Variants in GALNT9 observed in about 807,000 individuals in gnomAD.
GALNT9 encodes polypeptide N-acetylgalactosaminyltransferase 9.
A neutral mutation model predicts 63.1 loss-of-function variants in GALNT9; 47 were observed. That is an observed-to-expected ratio of 0.75 (90% CI 0.59 to 0.95). The LOEUF (loss-of-function observed/expected upper bound fraction) is 0.95. Ranked by LOEUF, GALNT9 falls within the 40% of genes least tolerant of loss-of-function variation. The pLI, the probability that GALNT9 is intolerant of heterozygous loss-of-function variation, is 0.00. For missense variants in GALNT9, 829 were observed against 874.8 expected, an observed-to-expected ratio of 0.95 and a Z score of 0.66; for synonymous variants, 396 against 365.7, an observed-to-expected ratio of 1.08 and a Z score of -0.94.
intron 6 of GALNT9, among the ~76,000 whole-genome samples, chr12:132,215,468 A>G (rs1877146529): frequency 6.6e-6 from 1 of 152,236 alleles, no homozygotes; most frequent in South Asian, 2.1e-4. Context: ...GACGGAGAGC[A>G]CAAGCAGCTC....
At chr12:132,204,621 C>T (rs1210341851) in intron 6 of GALNT9, among the ~76,000 whole-genome samples, 2 of 152,172 alleles carry the variant, frequency 1.3e-5, no homozygotes, top group African/African-American at 2.4e-5. Flanking sequence ...CCCTCAGCCC[C>T]CGTAACCGGG....
chr12:132,216,468 C>T (rs1593068406), intron 6 of GALNT9, among the ~76,000 whole-genome samples: 2 of 152,226 alleles, frequency 1.3e-5, no homozygotes, highest in Non-Finnish European at 2.9e-5. Flanking sequence ...GCAGGCCCAG[C>T]GAGGAGCCAG....
chr12:132,221,389 G>A (rs558301265), intron 6 of GALNT9, among the ~76,000 whole-genome samples: 7 of 137,120 alleles, frequency 5.1e-5, no homozygotes, highest in Admixed American at 3.1e-4. Flanking sequence ...GGCTGGGTGC[G>A]ATGGCTCATG....
At chr12:132,260,167 A>T (rs1879322216) in intron 4 of GALNT9, among the ~76,000 whole-genome samples, 1 of 151,448 alleles carries the variant, frequency 6.6e-6, no homozygotes, top group South Asian at 2.1e-4. Context: ...TAAGGCAGGG[A>T]TGGAGAAACA....
At position 132,197,670 on chromosome 12, in the gene GALNT9, GACC is replaced by G. The variant is rs1225612315; in HGVS notation, c.1665+119_1665+121del. ...CAGCTGATCCAAGGCCCGGTCCCCT[GACC>G]ACCCCCTGCCGCACTCCAGCTCCCA... On this transcript the variant is annotated intron_variant, in intron 10 of 10. Coordinates refer to ENST00000328957, the MANE Select transcript of GALNT9 (RefSeq NM_001122636.2). 46 of 758,048 alleles carry G rather than the reference GACC, an allele frequency of 6.1e-5. No individual in the cohort carries two copies. The African/African-American group carries it at 7.3e-4, about 12-fold the overall frequency. The allele number at this position is 758,048 out of a possible 1,614,324, so 47.0% of individuals were successfully genotyped here. A position where few individuals can be genotyped will look rare whatever the true frequency, so the allele number is the denominator to read the frequency against.
chr12:132,317,738 C>A (rs1271376970), intron 1 of GALNT9, among the ~76,000 whole-genome samples: 1 of 152,198 alleles, frequency 6.6e-6, no homozygotes, highest in African/African-American at 2.4e-5. Flanking sequence ...CACCTTCGGG[C>A]CCCTCCAGCC....
At chr12:132,240,813 T>G (rs1393606405) in intron 6 of GALNT9, 1 of 429,876 alleles carries the variant, frequency 2.3e-6, no homozygotes, top group Admixed American at 2.4e-5. Context: ...CCACACACCC[T>G]TCCCAAGGCC....
At chr12:132,250,801 A>ACAG (rs1467157479) in intron 5 of GALNT9, among the ~76,000 whole-genome samples, 4 of 151,774 alleles carry the variant, frequency 2.6e-5, no homozygotes, top group African/African-American at 7.3e-5. Flanking sequence ...AACGACAACA[A>ACAG]CAACAAAGGC....
chr12:132,318,711 C>T (rs28584034), intron 1 of GALNT9, among the ~76,000 whole-genome samples: 22,209 of 152,252 alleles, frequency 0.15, 1,932 homozygotes, highest in South Asian at 0.24. Context: ...CAGTGCACGC[C>T]GTGGGCCGCC....
chr12:132,286,229 G>C lies in GALNT9; in HGVS notation c.419+21C>G, dbSNP rs782445557. 760 of 1,539,416 alleles carry C rather than the reference G, an allele frequency of 4.9e-4. 1 individual carries two copies. Among genetic ancestry groups the C allele is most frequent in the Non-Finnish European group, 6.4e-4 (733 of 1,139,120 alleles). ...ACTTCCTCGGCGGGCGTCGGGGGAT[G>C]GGGGGCAGTCACTCACTCACTTTCT... On this transcript the variant is annotated intron_variant, in intron 2 of 10. Transcript: ENST00000328957. This position sits in a 1 kb window ranked among gnomAD's most constrained non-coding sequence, Gnocchi z 7.4.
rs1428684504 is a variant in GALNT9 at position 132,252,865 on chromosome 12, A to G, written c.959+4824T>C. Among the ~76,000 whole-genome samples, 2 of 151,776 alleles carry G rather than the reference A, an allele frequency of 1.3e-5. No homozygotes were observed. Among genetic ancestry groups the G allele is most frequent in the African/African-American group, 4.8e-5 (2 of 41,276 alleles). Reference sequence around the variant, plus strand: ...ACCACTGCACTCCAGCCTGGGCAACAACAGCGAAACTGCCTCAAAAAAAAA... The same window carrying G: ...ACCACTGCACTCCAGCCTGGGCAACGACAGCGAAACTGCCTCAAAAAAAAA... On this transcript the variant is annotated intron_variant, in intron 5 of 10. Transcript: ENST00000328957. The surrounding 1 kb of genome is among the most constrained non-coding windows in gnomAD (Gnocchi z 5.2).
chr12:132,322,332 C>T (rs1868838519), intron 1 of GALNT9, among the ~76,000 whole-genome samples: 1 of 152,260 alleles, frequency 6.6e-6, no homozygotes. Context: ...CATCTCTGCT[C>T]AGGCCCGCGT....
At chr12:132,222,996 A>ACAACC (rs1937680305) in intron 6 of GALNT9, among the ~76,000 whole-genome samples, 71 of 97,390 alleles carry the variant, frequency 7.3e-4, no homozygotes, top group African/African-American at 2.6e-3. Context: ...CACACCCCAC[A>ACAACC]TACACCCCAC....
In GALNT9 at chr12:132,197,103, G is replaced by A. The variant is rs377093429; in HGVS notation, c.*4C>T. The A allele has an allele frequency of 6.2e-7, 1 of 1,613,690 alleles. No individual in the cohort carries two copies. The highest frequency in any genetic ancestry group is 1.3e-5 in the African/African-American group (1 of 74,936). ...GGTCTGTGGGGGTCCGGGCGGAGGTGGGGTCAGTGCCGTGCGTGTTTGATC... is the reference window on the plus strand; with the variant it reads ...GGTCTGTGGGGGTCCGGGCGGAGGTAGGGTCAGTGCCGTGCGTGTTTGATC... On this transcript the variant is annotated 3_prime_UTR_variant, in exon 11 of 11. Coordinates refer to ENST00000328957, the MANE Select transcript of GALNT9 (RefSeq NM_001122636.2).
At chr12:132,215,902 T>C (rs939091073) in intron 6 of GALNT9, among the ~76,000 whole-genome samples, 18 of 151,944 alleles carry the variant, frequency 1.2e-4, no homozygotes, top group African/African-American at 4.1e-4. Context: ...GGGGGGTGCT[T>C]CTGGGCCAGG....
rs1243612352 is a variant in GALNT9, at chr12:132,203,698, G to A, written c.1078-8C>T. 15 of 1,609,808 alleles carry A rather than the reference G, an allele frequency of 9.3e-6. No homozygotes were observed. The highest frequency in any genetic ancestry group is 3.3e-5 in the Admixed American group (2 of 59,804). On this transcript the variant is annotated splice_polypyrimidine_tract_variant and splice_region_variant and intron_variant, in intron 6 of 10. Transcript: ENST00000328957. ...GCCGCCACACTGCCACACCTGCGGG[G>A]AGACGGCGCTGGGTGCCGGCGTCCT...
chr12:132,248,108 T>G, intron 5 of GALNT9, 81 bp from the exon 6 acceptor site: 1 of 1,484,896 alleles, frequency 6.7e-7, no homozygotes, highest in East Asian at 2.5e-5. Flanking sequence ...CAGGAAAGCC[T>G]GGAAGACCCC....
At chr12:132,255,111 A>T (rs1555238932) in intron 5 of GALNT9, among the ~76,000 whole-genome samples, 1 of 152,248 alleles carries the variant, frequency 6.6e-6, no homozygotes, top group Non-Finnish European at 1.5e-5. Flanking sequence ...CCGCTTCTCA[A>T]CCAAGGGCAC....
rs202111630 is a variant in GALNT9 at position 132,203,624 on chromosome 12, T to A, written c.1144A>T (p.Arg382Trp). ...TCAATGTCGTTGTTGTAGGGCTTCC[T>A]GGTGCGCTCGATGTGGGCCACGCGG... ...CSRVAHIERT[R>W]KPYNNDIDYY... The change falls in exon 7 of 11, where the codon AGG (arginine) becomes TGG (tryptophan). Residue 382 changes from arginine (R) to tryptophan (W), a missense_variant. Physicochemically the swap from Arg to Trp is moderately radical, Grantham distance 101. Coordinates refer to ENST00000328957, the MANE Select transcript of GALNT9 (RefSeq NM_001122636.2). 6.8e-4 allele frequency: 1,100 copies of A among 1,613,902 alleles called. 1 individual carries two copies. Among genetic ancestry groups the A allele is most frequent in the Non-Finnish European group, 7.6e-4 (891 of 1,179,826 alleles).
Sources: allele counts gnomAD v4.1 joint callset (sites outside exome capture counted in the v4.1 genomes callset), GRCh38; gene constraint gnomAD v4.1.1; non-coding constraint Gnocchi (gnomAD v3.1); transcripts MANE v1.5; gene names NCBI Gene and HGNC (gene_info 2026-07-23, HGNC 2026-07-21).